Variants in ZMIZ1 observed in about 807,000 individuals in gnomAD.
The protein encoded by ZMIZ1 is zinc finger MIZ-type containing 1, also known as zinc finger MIZ domain-containing protein 1.
A neutral mutation model predicts 113.9 loss-of-function variants in ZMIZ1; 17 were observed. That is an observed-to-expected ratio of 0.15 (90% confidence interval 0.10 to 0.22). The LOEUF (loss-of-function observed/expected upper bound fraction) is 0.22. ZMIZ1 is among the 10% of genes least tolerant of loss of function. ZMIZ1 has a pLI of 1.00. For synonymous variants in ZMIZ1, 607 were observed against 603.1 expected (o/e 1.01, Z -0.09); for missense variants, 1,059 against 1,477.8 (o/e 0.72, Z 4.65).
At chr10:79,190,794 C>T (rs1847567091) in intron 4 of ZMIZ1, among the ~76,000 whole-genome samples, 1 of 152,136 alleles carries the variant, frequency 6.6e-6, no homozygotes, top group Non-Finnish European at 1.5e-5. Context: ...GAAATAGGCC[C>T]ACCCATCCAT....
intron 24 of ZMIZ1, 117 bp downstream of exon 24, chr10:79,311,301 T>TGGGGGGGGGGGGGGG: frequency 1.7e-5 from 2 of 116,960 alleles, no homozygotes; most frequent in Non-Finnish European, 3.2e-5. Context: ...GGGTGGGCGG[T>TGGGGGGGGGGGGGGG]GGGAGGGCTT....
At chr10:79,139,509 T>C (rs7070204) in intron 2 of ZMIZ1, among the ~76,000 whole-genome samples, 173 bp from the exon 3 acceptor site, 26,338 of 152,190 alleles carry the variant, frequency 0.17, 4,949 homozygotes, top group African/African-American at 0.47. Context: ...GGTTGGAGTG[T>C]GGCTGGGCGG....
intron 12 of ZMIZ1, chr10:79,295,434 T>C (rs891908607): frequency 6.6e-6 from 1 of 152,244 alleles, no homozygotes; most frequent in African/African-American, 2.4e-5. Flanking sequence ...AGACTGGCCT[T>C]CCTTCCCCTT....
At chr10:79,222,197 T>G (rs1250662632) in intron 7 of ZMIZ1, among the ~76,000 whole-genome samples, 2 of 152,154 alleles carry the variant, frequency 1.3e-5, no homozygotes, top group East Asian at 3.9e-4. Flanking sequence ...TTTTTTTTTA[T>G]GCATACAAGT....
chr10:79,314,603 C>G lies in ZMIZ1; in HGVS notation c.*1854C>G, dbSNP rs534382288. The stretch of plus-strand genomic sequence containing the variant: ...TTTTAGTATCGTCTTTGATAATATT[C>G]AACATTTTCATGACCTGGTTATAGC... On this transcript the variant is annotated 3_prime_UTR_variant, in exon 25 of 25. Coordinates refer to ENST00000334512, the MANE Select transcript of ZMIZ1 (RefSeq NM_020338.4). 36 of 239,102 alleles carry G rather than the reference C, an allele frequency of 1.5e-4. No individual in the cohort carries two copies. The highest frequency in any genetic ancestry group is 2.4e-4 in the Non-Finnish European group (29 of 119,154). 14.8% of individuals were successfully genotyped at this position (239,102 alleles called of 1,614,324 possible).
rs371484202 is a variant in ZMIZ1 at position 79,095,090 on chromosome 10, C to T, written c.-336-23825C>T. 1.1e-4 allele frequency among the ~76,000 whole-genome samples: 16 copies of T among 152,308 alleles called. No homozygotes were observed. The East Asian group carries it at 2.7e-3, about 26-fold the overall frequency. The stretch of plus-strand genomic sequence containing the variant: ...CAGGAGCTCTGACTCTCAGACCAGC[C>T]TAGGTTCATATCCTGTGTCTTCCAC... On this transcript the variant is annotated intron_variant, in intron 1 of 24. Coordinates refer to ENST00000334512, the MANE Select transcript of ZMIZ1 (RefSeq NM_020338.4).
In ZMIZ1 at chr10:79,283,228, G is replaced by A. The variant is rs55963044; in HGVS notation, c.425+5903G>A. Among the ~76,000 whole-genome samples the A allele has an allele frequency of 3.9e-3, 588 of 152,322 alleles. 3 individuals carry two copies. The highest frequency in any genetic ancestry group is 4.5e-3 in the Non-Finnish European group (305 of 68,032). ...CAACAGAGAGGCTTCTGGGCGGGAG[G>A]GCCCCTGGCATCCCCTGAGTATAGC... On this transcript the variant is annotated intron_variant, in intron 8 of 24. Transcript: ENST00000334512.
chr10:79,113,170 G>A (rs928730948), intron 1 of ZMIZ1, among the ~76,000 whole-genome samples: 2 of 152,218 alleles, frequency 1.3e-5, no homozygotes, highest in African/African-American at 2.4e-5. Context: ...CCCATGCAGC[G>A]AGGCTGGGTG....
chr10:79,187,844 C>T (rs1424605472), intron 4 of ZMIZ1, among the ~76,000 whole-genome samples: 3 of 152,200 alleles, frequency 2.0e-5, no homozygotes, highest in South Asian at 4.1e-4. Flanking sequence ...CCGGAACCCG[C>T]GCAGTCTGCC....
At chr10:79,183,358 G>GCACACACA (rs57212618) in intron 4 of ZMIZ1, among the ~76,000 whole-genome samples, 98 of 150,806 alleles carry the variant, frequency 6.5e-4, no homozygotes, top group African/African-American at 1.8e-3. Flanking sequence ...TCGTGCACGC[G>GCACACACA]CACACACACA....
intron 7 of ZMIZ1, among the ~76,000 whole-genome samples, chr10:79,259,757 AG>A (rs1386444067): frequency 2.0e-5 from 3 of 151,960 alleles, no homozygotes; most frequent in Non-Finnish European, 1.5e-5. Context: ...CTGGGATTAC[AG>A]GCTCACACCA....
chr10:79,095,619 G>A (rs997966287), intron 1 of ZMIZ1, among the ~76,000 whole-genome samples: 2 of 152,158 alleles, frequency 1.3e-5, no homozygotes, highest in Non-Finnish European at 1.5e-5. Context: ...TTCTCCAGGC[G>A]CCTGATCTAT....
intron 1 of ZMIZ1, among the ~76,000 whole-genome samples, chr10:79,071,004 C>T (rs1395000128): frequency 6.6e-6 from 1 of 152,180 alleles, no homozygotes; most frequent in Non-Finnish European, 1.5e-5. Context: ...GCTGGGCTGG[C>T]GGGGTGAGGG....
At chr10:79,146,972 GTA>G (rs56237373) in intron 3 of ZMIZ1, among the ~76,000 whole-genome samples, 37,967 of 121,196 alleles carry the variant, frequency 0.31, 4,961 homozygotes, top group South Asian at 0.4. Context: ...GTGTGTGTGT[GTA>G]TATCCCTGTC....
chr10:79,213,642 C>T (rs1848608743), intron 6 of ZMIZ1, among the ~76,000 whole-genome samples: 1 of 152,186 alleles, frequency 6.6e-6, no homozygotes, highest in Admixed American at 6.5e-5. Flanking sequence ...AACATGGGGA[C>T]TTTTGCCTTC....
intron 8 of ZMIZ1, among the ~76,000 whole-genome samples, chr10:79,283,396 G>A (rs975630519): frequency 6.6e-6 from 1 of 152,204 alleles, no homozygotes; most frequent in Non-Finnish European, 1.5e-5. Flanking sequence ...AACAGTGGCA[G>A]GAGTGGTGTG....
At chr10:79,093,135 A>AACACACACAC (rs5786379) in intron 1 of ZMIZ1, among the ~76,000 whole-genome samples, 35 of 107,992 alleles carry the variant, frequency 3.2e-4, no homozygotes, top group African/African-American at 9.0e-4. Context: ...CCCCACCCCC[A>AACACACACAC]ACACACACAC....
At chr10:79,186,924 C>A (rs576489356) in intron 4 of ZMIZ1, among the ~76,000 whole-genome samples, 3 of 152,326 alleles carry the variant, frequency 2.0e-5, no homozygotes, top group South Asian at 4.1e-4. Flanking sequence ...CCACACTGCC[C>A]CTGCTGGAGG....
chr10:79,295,928 T>C (rs1248676075), intron 12 of ZMIZ1: 1 of 152,816 alleles, frequency 6.5e-6, no homozygotes, highest in Non-Finnish European at 1.5e-5. Flanking sequence ...AACCTGGCTC[T>C]CCCACCTCCT....
Sources: gnomAD v4.1 joint callset for allele counts (sites outside exome capture counted in the v4.1 genomes callset) on GRCh38, gnomAD v4.1.1 for gene constraint, MANE v1.5 for transcripts, NCBI Gene and HGNC (gene_info 2026-07-23, HGNC 2026-07-21) for gene names.